AXDND1: variants seen among roughly 807,000 people sequenced by gnomAD.
AXDND1 encodes the protein axonemal dynein light chain domain-containing protein 1.
AXDND1 carries 110 observed loss-of-function variants against 137.5 expected under a neutral mutation model. The ratio of observed to expected loss-of-function variants is 0.80; its 90% CI spans 0.69 to 0.94. The LOEUF is 0.94. Among genes scored for constraint, AXDND1 ranks in the 40% least tolerant of loss-of-function variants. AXDND1 has a pLI of 0.00. For synonymous variants in AXDND1, 414 were observed against 399.7 expected (o/e 1.04, Z -0.43); for missense variants, 1,191 against 1,169.8 (o/e 1.02, Z -0.26).
chr1:179,442,118 G>T (rs760113598), intron 15 of AXDND1, among the ~76,000 whole-genome samples: 4 of 152,166 alleles, frequency 2.6e-5, no homozygotes, highest in Non-Finnish European at 5.9e-5. Context: ...GGTCCTAAGG[G>T]CTCTCCAGCT....
chr1:179,435,865 G>A (rs1422226810), intron 15 of AXDND1, among the ~76,000 whole-genome samples: 3 of 152,184 alleles, frequency 2.0e-5, no homozygotes, highest in African/African-American at 7.2e-5. Flanking sequence ...AAGACCTTTT[G>A]CATAGCAAAA....
intron 9 of AXDND1, among the ~76,000 whole-genome samples, chr1:179,389,162 G>A (rs148359418): frequency 0.011 from 1,735 of 151,444 alleles, 30 homozygotes; most frequent in African/African-American, 0.038. Flanking sequence ...TAGTAGAGAC[G>A]GGGTTTCACC....
intron 9 of AXDND1, among the ~76,000 whole-genome samples, chr1:179,392,066 C>T (rs1215477599): frequency 6.6e-6 from 1 of 152,134 alleles, no homozygotes; most frequent in Admixed American, 6.6e-5. Context: ...ACTAATATAA[C>T]CCATCACCCG....
chr1:179,369,889 T>A, intron 3 of AXDND1, 86 bp from the exon 4 acceptor site: 1 of 1,004,198 alleles, frequency 1.0e-6, no homozygotes, highest in Non-Finnish European at 1.5e-6. Context: ...TTAATGTAAA[T>A]ACAGTACTTA....
At position 179,429,547 on chromosome 1, in the gene AXDND1, T is replaced by C. The variant is rs767146912; in HGVS notation, c.1260T>C (p.Ala420=). The C allele has an allele frequency of 1.7e-5, 26 of 1,568,930 alleles. No homozygotes were observed. The highest frequency in any genetic ancestry group is 8.6e-7 in the Non-Finnish European group (1 of 1,160,310). The change falls in exon 13 of 26, where the codon GCT becomes GCC. Residue 420 remains alanine (A), a synonymous_variant. Coordinates refer to ENST00000367618, the MANE Select transcript of AXDND1 (RefSeq NM_144696.6). ...KVIERNRVIL[A]RRLYLNEKGW... is the part of the protein sequence containing the mutation. ...TTGAAAGAAATAGAGTCATATTGGC[T>C]AGAAGACTTTACCTTAATGAAAAAG...
intron 17 of AXDND1, among the ~76,000 whole-genome samples, chr1:179,476,553 T>A (rs1276626079): frequency 9.5e-6 from 1 of 105,450 alleles, no homozygotes; most frequent in African/African-American, 3.2e-5. Context: ...AACAAATTCT[T>A]CGGTTTTTTT....
In AXDND1 at chr1:179,381,943, ATTT is replaced by A. The variant is rs71111920; in HGVS notation, c.582-737_582-735del. 8.1e-3 allele frequency among the ~76,000 whole-genome samples: 853 copies of A among 105,448 alleles called. 4 individuals are homozygous for A. Among genetic ancestry groups the A allele is most frequent in the African/African-American group, 0.018 (485 of 27,000 alleles). 69.2% of individuals were successfully genotyped at this position (105,448 alleles called of 152,430 possible). A position where few individuals can be genotyped will look rare whatever the true frequency, so the allele number is the denominator to read the frequency against. ...TTACAGGCACGCGCCACCACACCTA[ATTT>A]TTTTTTTTTTTTTTTTTTTGTATTT... On this transcript the variant is annotated intron_variant, in intron 6 of 25. Coordinates refer to ENST00000367618, the MANE Select transcript of AXDND1 (RefSeq NM_144696.6).
chr1:179,529,355 A>G (rs909752660), intron 23 of AXDND1, among the ~76,000 whole-genome samples: 4 of 152,274 alleles, frequency 2.6e-5, no homozygotes, highest in African/African-American at 9.6e-5. Context: ...TGGGAGCCAT[A>G]GGCTCTTGGC....
chr1:179,501,797 A>C (rs1279764146), intron 20 of AXDND1, among the ~76,000 whole-genome samples: 1 of 152,202 alleles, frequency 6.6e-6, no homozygotes. Flanking sequence ...TGAGACTTTT[A>C]CTTCACACAA....
chr1:179,381,521 T>G (rs1187660248), intron 6 of AXDND1, among the ~76,000 whole-genome samples: 2 of 150,750 alleles, frequency 1.3e-5, no homozygotes, highest in Admixed American at 1.3e-4. Context: ...TTTTTGTAAT[T>G]TTAGTAGAGA....
At chr1:179,381,017 A>G (rs1459830025) in intron 6 of AXDND1, among the ~76,000 whole-genome samples, 3 of 147,440 alleles carry the variant, frequency 2.0e-5, no homozygotes, top group African/African-American at 7.5e-5. Flanking sequence ...CCCATTAGTT[A>G]TAGATCTTTT....
chr1:179,475,843 C>A (rs145733749), intron 17 of AXDND1, among the ~76,000 whole-genome samples: 4,524 of 152,246 alleles, frequency 0.03, 250 homozygotes, highest in African/African-American at 0.1. Context: ...CAAATCTCAT[C>A]TTGAATTGTA....
intron 24 of AXDND1, 50 bp from the exon 25 acceptor site, chr1:179,534,680 A>T (rs745921029): frequency 6.6e-7 from 1 of 1,524,792 alleles, no homozygotes; most frequent in Admixed American, 2.4e-5. Context: ...CGAAATCAAA[A>T]ATACTTTTTC....
intron 12 of AXDND1, 143 bp downstream of exon 12, chr1:179,411,409 A>T: frequency 8.9e-7 from 1 of 1,122,306 alleles, no homozygotes; most frequent in South Asian, 1.5e-5. Flanking sequence ...CAGTGATGTG[A>T]TCTCGGCTCA....
intron 13 of AXDND1, 69 bp downstream of exon 13, chr1:179,429,688 G>A (rs1657097586): frequency 2.4e-6 from 2 of 822,062 alleles, no homozygotes; most frequent in Non-Finnish European, 3.6e-6. Context: ...ACTGTAAGAT[G>A]CCTTTGTTAA....
intron 2 of AXDND1, among the ~76,000 whole-genome samples, chr1:179,367,060 G>C (rs1667500452): frequency 1.3e-5 from 2 of 151,780 alleles, no homozygotes; most frequent in African/African-American, 4.9e-5. Context: ...GTCTCTACTA[G>C]AAATACAAAA....
intron 11 of AXDND1, among the ~76,000 whole-genome samples, chr1:179,396,176 GAAAA>G (rs71111985): frequency 3.8e-5 from 4 of 106,010 alleles, no homozygotes; most frequent in African/African-American, 1.1e-4. Context: ...CCCATAAAAA[GAAAA>G]AAAAAAAAAA....
Position 179,432,347 on chromosome 1 carries a change from G to C in AXDND1, c.1563+5G>C. The stretch of plus-strand genomic sequence containing the variant: ...GACTTCAAACAGTGGCAGAAGGTAA[G>C]ACTTTTTAATAAAGAGCTTGGCAAT... On this transcript the variant is annotated splice_donor_5th_base_variant and intron_variant, in intron 15 of 25. Transcript: ENST00000367618. 1 of 1,561,520 alleles carries C rather than the reference G, an allele frequency of 6.4e-7. No homozygotes were observed. The highest frequency in any genetic ancestry group is 8.7e-7 in the Non-Finnish European group (1 of 1,151,188).
intron 21 of AXDND1, among the ~76,000 whole-genome samples, chr1:179,513,773 C>A (rs963075619): frequency 6.6e-6 from 1 of 151,894 alleles, no homozygotes; most frequent in Admixed American, 6.6e-5. Flanking sequence ...GTATCTAATT[C>A]TTTCTGAGTT....
Sources: allele counts gnomAD v4.1 joint callset (sites outside exome capture counted in the v4.1 genomes callset), GRCh38; gene constraint gnomAD v4.1.1; transcripts MANE v1.5; gene names NCBI Gene and HGNC (gene_info 2026-07-23, HGNC 2026-07-21).